The following ODF2 variants were observed in gnomAD, a reference collection of about 807,000 sequenced individuals.
ODF2 encodes the protein outer dense fiber protein 2.
Under a neutral mutation model 110.2 loss-of-function variants are expected in ODF2, and 47 were observed. The ratio of observed to expected loss-of-function variants is 0.43; its 90% CI spans 0.34 to 0.54. ODF2 has a LOEUF of 0.54. ODF2 is among the 20% of genes least tolerant of loss of function. ODF2 has a pLI of 0.03. For missense variants in ODF2, 812 were observed against 1,054.5 expected, an observed-to-expected ratio of 0.77 and a Z score of 3.19; for synonymous variants, 352 against 397.7, an observed-to-expected ratio of 0.89 and a Z score of 1.37.
At chr9:128,459,929 G>A (rs1318238963) in intron 3 of ODF2, among the ~76,000 whole-genome samples, 3 of 151,836 alleles carry the variant, frequency 2.0e-5, no homozygotes, top group African/African-American at 7.3e-5. Flanking sequence ...AGAAAAAGAA[G>A]AGAAAAAAAA....
Position 128,463,348 on chromosome 9 carries a change from G to C in ODF2, c.249+2281G>C, listed in dbSNP as rs796762210. 3.3e-5 allele frequency among the ~76,000 whole-genome samples: 5 copies of C among 152,220 alleles called. No individual in the cohort carries two copies. The South Asian group carries it at 8.3e-4, about 25-fold the overall frequency. On this transcript the variant is annotated intron_variant, in intron 4 of 20. Transcript: ENST00000604420. ...AAGACTGAGGTAGAGGCTGGTTGCC[G>C]TGGCTTATACCTGTGATCCCAGCAC... is the stretch of plus-strand genomic sequence containing the variant.
In ODF2 at chr9:128,469,197, C is replaced by T. The variant is rs753716945; in HGVS notation, c.264C>T (p.Cys88=). Residue 88 remains cysteine (C), a synonymous_variant, in exon 5 of 21, where the codon TGC becomes TGT. Coordinates refer to ENST00000604420, the Ensembl canonical transcript of ODF2. ...CTCTACATCAGAATCCACCTCATTG[C>T]CTGGAGATCACGCCACCATCTTCAG... The T allele has an allele frequency of 2.5e-6, 4 of 1,613,756 alleles. No homozygotes were observed. In the African/African-American group the frequency reaches 5.3e-5, roughly 22 times the overall value.
intron 1 of ODF2, 160 bp downstream of exon 1, chr9:128,456,415 G>T (rs2131379033): frequency 6.8e-7 from 1 of 1,477,288 alleles, no homozygotes; most frequent in East Asian, 2.8e-5. Context: ...CTGGGCCCCC[G>T]CCCCGCCCAC....
At chr9:128,500,177 C>T (rs750256250) in exon 21 of ODF2, 47 of 1,614,108 alleles carry the variant, frequency 2.9e-5, no homozygotes, top group South Asian at 1.5e-4. Context: ...AATCATCATA[C>T]GCCAACGTGT....
chr9:128,496,070 G>A (rs1564530047), exon 18 of ODF2: 1 of 1,613,906 alleles, frequency 6.2e-7, no homozygotes, highest in South Asian at 1.1e-5. Context: ...AGCTGGAGAT[G>A]GCGAGAGAGA....
chr9:128,497,443 AAAAATATATAT>A (rs1239820686), intron 18 of ODF2: 5 of 84,286 alleles, frequency 5.9e-5, no homozygotes, highest in South Asian at 7.3e-4. Flanking sequence ...AAAAAAAAAA[AAAAATATATAT>A]ATATATATAT....
chr9:128,457,074 G>T lies in ODF2; in HGVS notation c.-208-124G>T, dbSNP rs543767231. The T allele has an allele frequency of 6.8e-6, 9 of 1,332,746 alleles. No individual in the cohort carries two copies. The African/African-American group carries it at 1.3e-4, about 20-fold the overall frequency. The allele number at this position is 1,332,746 out of a possible 1,614,324, so 82.6% of individuals were successfully genotyped here. ...CTCAGGTTTCCCCCGGTAGCCACCGGCAGTCCTCCGCGTGGGACCCGGGCG... is the reference window on the plus strand; with the variant it reads ...CTCAGGTTTCCCCCGGTAGCCACCGTCAGTCCTCCGCGTGGGACCCGGGCG... On this transcript the variant is annotated intron_variant, in intron 1 of 20. Transcript: ENST00000604420.
At chr9:128,466,528 A>G (rs1006956057) in intron 4 of ODF2, among the ~76,000 whole-genome samples, 14 of 151,334 alleles carry the variant, frequency 9.3e-5, no homozygotes, top group African/African-American at 3.2e-4. Flanking sequence ...TTGCTCCATG[A>G]ATTTTCACAA....
At chr9:128,465,296 A>G in intron 4 of ODF2, among the ~76,000 whole-genome samples, 1 of 152,210 alleles carries the variant, frequency 6.6e-6, no homozygotes, top group East Asian at 1.9e-4. Context: ...GAAGGGGAAC[A>G]GCCCCTGGAG....
upstream of ODF2, among the ~76,000 whole-genome samples, chr9:128,455,650 G>A (rs73626735): frequency 0.026 from 3,707 of 144,032 alleles, 163 homozygotes; most frequent in African/African-American, 0.096. Context: ...TCTCCTGTTG[G>A]GGCCAAGACA....
chr9:128,456,545 A>G (rs548324560), intron 1 of ODF2: 5 of 1,525,602 alleles, frequency 3.3e-6, no homozygotes, highest in East Asian at 2.6e-5. Flanking sequence ...CTTTCTCTCT[A>G]TGGGCAGAAA....
At chr9:128,456,848 C>T (rs1834986492) in intron 1 of ODF2, 2 of 1,306,328 alleles carry the variant, frequency 1.5e-6, no homozygotes, top group Non-Finnish European at 1.9e-6. Flanking sequence ...GCGCCCGGGG[C>T]CCGTGCAACC....
rs531633814 is a variant in ODF2 at position 128,457,726 on chromosome 9, G to A, written c.32+289G>A. The stretch of plus-strand genomic sequence containing the variant: ...GTACTAGGTTCAGAGCCTTTTTGAA[G>A]GGAGTCGAGGTGTAAATAAATAACA... On this transcript the variant is annotated intron_variant, in intron 2 of 20. Coordinates refer to ENST00000604420, the Ensembl canonical transcript of ODF2. Among the ~76,000 whole-genome samples the A allele has an allele frequency of 2.0e-4, 31 of 152,252 alleles. No homozygotes were observed. The South Asian group carries it at 6.2e-3, about 31-fold the overall frequency.
rs1843129951 is a variant in ODF2 at position 128,485,188 on chromosome 9, A to G, written c.1291-177A>G. 2.6e-5 allele frequency among the ~76,000 whole-genome samples: 4 copies of G among 152,118 alleles called. No homozygotes were observed. The highest frequency in any genetic ancestry group is 2.6e-4 in the Admixed American group (4 of 15,268). ...AACAGGATGCATTTGATTGCTAGAAATCTGGGAGCACTAGCTGGGCTCCCA... is the reference window on the plus strand; with the variant it reads ...AACAGGATGCATTTGATTGCTAGAAGTCTGGGAGCACTAGCTGGGCTCCCA... On this transcript the variant is annotated intron_variant, in intron 12 of 20. Transcript: ENST00000604420. This position sits in a 1 kb window ranked among gnomAD's most constrained non-coding sequence, Gnocchi z 5.0.
intron 14 of ODF2, 143 bp downstream of exon 14, chr9:128,488,168 C>CT (rs1325424916): frequency 4.1e-6 from 4 of 978,624 alleles, no homozygotes; most frequent in Non-Finnish European, 1.5e-6. Context: ...TGGCTTAGGC[C>CT]TGTAATCCCA....
intron 13 of ODF2, among the ~76,000 whole-genome samples, chr9:128,486,348 C>T (rs1194031527): frequency 6.6e-6 from 1 of 152,164 alleles, no homozygotes; most frequent in Non-Finnish European, 1.5e-5. Flanking sequence ...AACATAGATA[C>T]CTAAGACAGA....
downstream of ODF2, chr9:128,500,513 T>C (rs78809231): frequency 1.4e-3 from 605 of 444,684 alleles, 13 homozygotes; most frequent in East Asian, 0.021. Flanking sequence ...ACTACTACAT[T>C]AGGGTACCAC....
intron 19 of ODF2, 43 bp from the exon 20 acceptor site, chr9:128,498,958 T>C (rs778365914): frequency 7.4e-6 from 12 of 1,610,864 alleles, no homozygotes; most frequent in Non-Finnish European, 1.0e-5. Flanking sequence ...GTGTTCCCCA[T>C]GTCCGGTAAA....
At chr9:128,475,265 G>A (rs1841014476) in intron 8 of ODF2, among the ~76,000 whole-genome samples, 1 of 152,150 alleles carries the variant, frequency 6.6e-6, no homozygotes, top group Admixed American at 6.6e-5. Context: ...AGGGACTTGA[G>A]CATCTTTGGA....
Sources: gnomAD v4.1 joint callset for allele counts (sites outside exome capture counted in the v4.1 genomes callset) on GRCh38, gnomAD v4.1.1 for gene constraint, Gnocchi (gnomAD v3.1) non-coding constraint, MANE v1.5 for transcripts, NCBI Gene and HGNC (gene_info 2026-07-23, HGNC 2026-07-21) for gene names.